Variants in PRKCE observed in about 807,000 individuals in gnomAD.
The protein encoded by PRKCE is protein kinase C epsilon type.
PRKCE carries 16 observed loss-of-function variants against 85.4 expected under a neutral mutation model. The observed-to-expected ratio is 0.19, with a 90% CI of 0.13 to 0.28. PRKCE has a LOEUF of 0.28. PRKCE is among the 10% of genes least tolerant of loss of function. The pLI is 1.00. For missense variants in PRKCE, 573 were observed against 975.2 expected (o/e 0.59, Z 5.49); for synonymous variants, 388 against 371.5 (o/e 1.04, Z -0.51).
Position 46,184,998 on chromosome 2 carries a change from T to C in PRKCE, c.*117T>C, listed in dbSNP as rs1189599095. On this transcript the variant is annotated 3_prime_UTR_variant, in exon 15 of 15. Coordinates refer to ENST00000306156, the MANE Select transcript of PRKCE (RefSeq NM_005400.3). The surrounding 1 kb of genome is among the most constrained non-coding windows in gnomAD (Gnocchi z 5.0). ...TCTCCTCCTCGGAGCCCCAGTCCCA[T>C]GTCCACTGTCTATTTATTGCATTCC... 2.2e-6 allele frequency: 3 copies of C among 1,367,746 alleles called. No homozygotes were observed. The highest frequency in any genetic ancestry group is 3.0e-6 in the Non-Finnish European group (3 of 1,004,364). 84.7% of individuals were successfully genotyped at this position (1,367,746 alleles called of 1,614,324 possible). A position where few individuals can be genotyped will look rare whatever the true frequency, so the allele number is the denominator to read the frequency against.
chr2:46,174,741 GGCAGT>G (rs1288557578), intron 14 of PRKCE, among the ~76,000 whole-genome samples: 9 of 151,962 alleles, frequency 5.9e-5, no homozygotes, highest in African/African-American at 2.2e-4. Context: ...CAGGCTGGAG[GGCAGT>G]GATATGATCT....
rs1284051179 is a variant in PRKCE, at chr2:45,850,028, A to G, written c.412+6965A>G. On this transcript the variant is annotated intron_variant, in intron 2 of 14. Coordinates refer to ENST00000306156, the MANE Select transcript of PRKCE (RefSeq NM_005400.3). ...AAGATGCTTGATGAGACATAAGCCA[A>G]GAAACCCTCATTTCCTTCCAAATAG... Among the ~76,000 whole-genome samples the G allele has an allele frequency of 4.6e-5, 7 of 152,342 alleles. No individual in the cohort carries two copies. The East Asian group carries it at 1.2e-3, about 25-fold the overall frequency.
intron 1 of PRKCE, among the ~76,000 whole-genome samples, chr2:45,804,705 G>T (rs572432944): frequency 5.9e-5 from 9 of 152,290 alleles, no homozygotes; most frequent in Admixed American, 3.9e-4. Context: ...AAGAGGAGAG[G>T]TTGCTGTTCG....
At chr2:45,893,235 A>G (rs967742038) in intron 2 of PRKCE, among the ~76,000 whole-genome samples, 3 of 152,162 alleles carry the variant, frequency 2.0e-5, no homozygotes, top group Non-Finnish European at 2.9e-5. Context: ...ATAGAAGGGC[A>G]TGACCTGTGA....
At chr2:45,855,539 T>C (rs1232366738) in intron 2 of PRKCE, among the ~76,000 whole-genome samples, 1 of 152,208 alleles carries the variant, frequency 6.6e-6, no homozygotes, top group Non-Finnish European at 1.5e-5. Flanking sequence ...TAGCTGCACA[T>C]GTGGAGTTTG....
chr2:45,794,311 A>T (rs1024558895), intron 1 of PRKCE, among the ~76,000 whole-genome samples: 1 of 152,142 alleles, frequency 6.6e-6, no homozygotes, highest in Non-Finnish European at 1.5e-5. Context: ...GAGTAAATGG[A>T]GTGGCGCACT....
At chr2:45,804,919 A>T (rs891713427) in intron 1 of PRKCE, among the ~76,000 whole-genome samples, 4 of 149,750 alleles carry the variant, frequency 2.7e-5, no homozygotes, top group African/African-American at 9.8e-5. Context: ...AGCCTTTTAA[A>T]GACTTTGTTC....
chr2:46,067,736 G>A (rs374069754), intron 10 of PRKCE, among the ~76,000 whole-genome samples: 15 of 152,310 alleles, frequency 9.8e-5, no homozygotes, highest in African/African-American at 3.6e-4. Context: ...TTAGTTTAAA[G>A]CAGAGCCTGG....
At chr2:45,943,263 A>G (rs1353132933) in intron 2 of PRKCE, among the ~76,000 whole-genome samples, 2 of 152,230 alleles carry the variant, frequency 1.3e-5, no homozygotes, top group African/African-American at 4.8e-5. Context: ...TCCTTTATTT[A>G]AAAAATGATT....
At chr2:45,775,272 A>G (rs72886161) in intron 1 of PRKCE, among the ~76,000 whole-genome samples, 4,507 of 152,266 alleles carry the variant, frequency 0.03, 87 homozygotes, top group African/African-American at 0.058. Context: ...TCCATGAGTT[A>G]CTGTCTTCCT....
rs375477829 is a variant in PRKCE at position 45,885,002 on chromosome 2, T to TTTTTTTTG, written c.412+41941_412+41942insTTTTTGTT. On this transcript the variant is annotated intron_variant, in intron 2 of 14. Transcript: ENST00000306156. ...ATATATATATATATATATATATATA[T>TTTTTTTTG]TTGTTGTTGTTGTTGTTGTTTTACC... Among the ~76,000 whole-genome samples the TTTTTTTTG allele has an allele frequency of 4.3e-4, 42 of 97,652 alleles. 2 individuals carry two copies. The highest frequency in any genetic ancestry group is 3.2e-3 in the East Asian group (11 of 3,458). The allele number at this position is 97,652 out of a possible 152,430, so 64.1% of individuals were successfully genotyped here.
intron 2 of PRKCE, among the ~76,000 whole-genome samples, chr2:45,896,908 A>AC (rs1255884956): frequency 1.3e-5 from 2 of 151,946 alleles, no homozygotes; most frequent in Non-Finnish European, 2.9e-5. Flanking sequence ...ACATAGCGAG[A>AC]CCCCATCTCA....
chr2:45,742,571 T>C (rs2104655036), intron 1 of PRKCE, among the ~76,000 whole-genome samples: 1 of 152,268 alleles, frequency 6.6e-6, no homozygotes, highest in African/African-American at 2.4e-5. Flanking sequence ...CACAATGAGC[T>C]ATCACCTCAC....
At chr2:45,942,177 A>G (rs886926177) in intron 2 of PRKCE, among the ~76,000 whole-genome samples, 1 of 152,222 alleles carries the variant, frequency 6.6e-6, no homozygotes, top group African/African-American at 2.4e-5. Flanking sequence ...GGCAGTTGCT[A>G]TAAGACATTG....
At chr2:45,751,807 C>CTTT (rs1444919980) in intron 1 of PRKCE, among the ~76,000 whole-genome samples, 10 of 124,202 alleles carry the variant, frequency 8.1e-5, no homozygotes, top group South Asian at 2.6e-4. Flanking sequence ...AAGCTAACCA[C>CTTT]TATTTTTTTT....
intron 1 of PRKCE, among the ~76,000 whole-genome samples, chr2:45,663,494 A>G (rs943085347): frequency 2.0e-5 from 3 of 152,192 alleles, no homozygotes; most frequent in Admixed American, 6.5e-5. Context: ...AACTGGAAGA[A>G]GAATATAGAA....
intron 1 of PRKCE, among the ~76,000 whole-genome samples, chr2:45,731,135 T>A (rs57038221): frequency 0.086 from 13,065 of 152,262 alleles, 1,079 homozygotes; most frequent in East Asian, 0.42. Flanking sequence ...GTTTAGGGCC[T>A]GTTGATTTCT....
At chr2:46,007,422 G>A in intron 8 of PRKCE, 40 bp from the exon 9 acceptor site, 2 of 1,587,678 alleles carry the variant, frequency 1.3e-6, no homozygotes, top group Non-Finnish European at 1.7e-6. Context: ...AGGCTTAAGA[G>A]GTATGCACTA....
chr2:46,049,590 G>A (rs1708732361), intron 10 of PRKCE, among the ~76,000 whole-genome samples: 1 of 152,206 alleles, frequency 6.6e-6, no homozygotes, highest in Non-Finnish European at 1.5e-5. Context: ...GCAGCTGCAG[G>A]TGTAATACCC....
Sources: gnomAD v4.1 joint callset for allele counts (sites outside exome capture counted in the v4.1 genomes callset) on GRCh38, gnomAD v4.1.1 for gene constraint, Gnocchi (gnomAD v3.1) non-coding constraint, MANE v1.5 for transcripts, NCBI Gene and HGNC (gene_info 2026-07-23, HGNC 2026-07-21) for gene names.